KLRG1: variants seen among roughly 807,000 people sequenced by gnomAD.
KLRG1 encodes the protein killer cell lectin like receptor G1.
In KLRG1, 16 loss-of-function variants were observed where a neutral mutation model predicts 21.8. The observed-to-expected ratio is 0.73, with a 90% CI of 0.50 to 1.11. KLRG1 has a LOEUF of 1.11. KLRG1 is among the 50% of genes most tolerant of loss of function. The pLI, the probability that KLRG1 is intolerant of heterozygous loss-of-function variation, is 0.00. For missense variants in KLRG1, 173 were observed against 218.3 expected (o/e 0.79, Z 1.31); for synonymous variants, 69 against 75.9 (o/e 0.91, Z 0.47).
the KLRG1 span, chr12:9,109,887 G>T: frequency 6.2e-7 from 1 of 1,608,064 alleles, no homozygotes; most frequent in Non-Finnish European, 8.5e-7. Flanking sequence ...CACGGTGAAA[G>T]GGTGCTCTGT....
the KLRG1 span, chr12:9,115,693 G>T: frequency 8.7e-7 from 1 of 1,147,386 alleles, no homozygotes; most frequent in African/African-American, 1.5e-5. Flanking sequence ...AAAAAGGAAT[G>T]ATATAAAGAA....
chr12:9,017,643 C>G, the KLRG1 span, among the ~76,000 whole-genome samples: 1 of 152,084 alleles, frequency 6.6e-6, no homozygotes, highest in African/African-American at 2.4e-5. Flanking sequence ...ATGAGACAGA[C>G]CCACAGGTAG....
chr12:9,112,361 G>A, the KLRG1 span: 4 of 1,610,622 alleles, frequency 2.5e-6, no homozygotes, highest in Admixed American at 5.0e-5. Flanking sequence ...TGTCCTGTCT[G>A]TAGGCTTCTT....
the KLRG1 span, chr12:9,068,313 G>T: frequency 7.2e-7 from 1 of 1,383,922 alleles, no homozygotes; most frequent in South Asian, 1.3e-5. Context: ...GCCAAGGAAG[G>T]AGTTTGTTGT....
At chr12:9,199,654 T>TA in the KLRG1 span, among the ~76,000 whole-genome samples, 1 of 151,980 alleles carries the variant, frequency 6.6e-6, no homozygotes, top group Admixed American at 6.6e-5. Flanking sequence ...GAAATGTCAT[T>TA]AAAAAAAGGA....
At chr12:8,953,990 C>T (rs1037398087) in intron 1 of KLRG1, among the ~76,000 whole-genome samples, 1 of 152,062 alleles carries the variant, frequency 6.6e-6, no homozygotes, top group South Asian at 2.1e-4. Context: ...CGAGAAGTTG[C>T]GGGAGGGTGT....
chr12:9,108,635 T>C, the KLRG1 span, among the ~76,000 whole-genome samples: 65 of 152,310 alleles, frequency 4.3e-4, no homozygotes, highest in Non-Finnish European at 8.5e-4. Context: ...GTGTATTACA[T>C]GTGTGATCTT....
At chr12:9,041,463 G>A in the KLRG1 span, among the ~76,000 whole-genome samples, 1 of 152,164 alleles carries the variant, frequency 6.6e-6, no homozygotes, top group African/African-American at 2.4e-5. Flanking sequence ...CCTTGATACT[G>A]CTTCTCCAAG....
the KLRG1 span, among the ~76,000 whole-genome samples, chr12:9,081,619 G>C: frequency 6.6e-6 from 1 of 152,182 alleles, no homozygotes; most frequent in Non-Finnish European, 1.5e-5. Context: ...TAGGAAGAAT[G>C]GTCTCACTTT....
chr12:9,084,736 T>A, the KLRG1 span, among the ~76,000 whole-genome samples: 2 of 152,030 alleles, frequency 1.3e-5, no homozygotes, highest in Non-Finnish European at 2.9e-5. Context: ...ATAAAGTGAC[T>A]GAATGGATTT....
intron 1 of KLRG1, among the ~76,000 whole-genome samples, chr12:8,959,893 G>C (rs1170171840): frequency 1.3e-5 from 2 of 152,132 alleles, no homozygotes; most frequent in East Asian, 3.8e-4. Flanking sequence ...TATTCTGTTA[G>C]TTTGCCACTT....
the KLRG1 span, chr12:9,160,630 T>C: frequency 1.3e-6 from 1 of 798,844 alleles, no homozygotes; most frequent in South Asian, 1.8e-5. Flanking sequence ...ACTTCCAGAA[T>C]CCTAATAAGA....
At chr12:8,965,182 T>G (rs959033822) in intron 1 of KLRG1, among the ~76,000 whole-genome samples, 2 of 152,214 alleles carry the variant, frequency 1.3e-5, no homozygotes, top group African/African-American at 4.8e-5. Flanking sequence ...TGATGGGATG[T>G]ATCTCAAAAT....
At chr12:8,956,467 CAG>C (rs780847510) in intron 1 of KLRG1, among the ~76,000 whole-genome samples, 25 of 152,030 alleles carry the variant, frequency 1.6e-4, no homozygotes, top group Non-Finnish European at 3.2e-4. Flanking sequence ...TCTTTTGAGA[CAG>C]AGTCTCACTC....
the KLRG1 span, chr12:9,101,064 AAAGT>A: frequency 7.6e-7 from 1 of 1,318,860 alleles, no homozygotes; most frequent in Non-Finnish European, 1.0e-6. Context: ...AAAAAAAGGG[AAAGT>A]ATTCTGATAC....
the KLRG1 span, chr12:9,208,372 A>G: frequency 1.9e-6 from 3 of 1,579,098 alleles, no homozygotes; most frequent in Admixed American, 5.0e-5. Context: ...GTTGTGTCCA[A>G]CTCTCTGCCC....
chr12:9,093,602 C>A, the KLRG1 span: 1 of 1,346,636 alleles, frequency 7.4e-7, no homozygotes, highest in Non-Finnish European at 1.0e-6. Flanking sequence ...AGGAAGAAGA[C>A]ATTACAATAA....
the KLRG1 span, among the ~76,000 whole-genome samples, chr12:9,194,579 C>T: frequency 6.6e-6 from 1 of 151,390 alleles, no homozygotes; most frequent in Non-Finnish European, 1.5e-5. Flanking sequence ...ATTCTCCTGC[C>T]TCAGCCTCCC....
At chr12:9,165,233 A>T in the KLRG1 span, 1 of 1,614,176 alleles carries the variant, frequency 6.2e-7, no homozygotes, top group Non-Finnish European at 8.5e-7. Context: ...CTCCACAAAG[A>T]AGGGCTGGAA....
Sources: gnomAD v4.1 joint callset for allele counts (sites outside exome capture counted in the v4.1 genomes callset) on GRCh38, gnomAD v4.1.1 for gene constraint, MANE v1.5 for transcripts, NCBI Gene and HGNC (gene_info 2026-07-23, HGNC 2026-07-21) for gene names.